Variants in RELCH observed in about 807,000 individuals in gnomAD.
RELCH encodes the protein RAB11-binding protein RELCH.
Under a neutral mutation model 150.3 loss-of-function variants are expected in RELCH, and 41 were observed. The observed-to-expected ratio is 0.27, with a 90% CI of 0.21 to 0.35. The LOEUF is 0.35. Ranked by LOEUF, RELCH falls within the 10% of genes least tolerant of loss-of-function variation. The probability of loss-of-function intolerance (pLI) is 1.00; values close to 1 mark genes in which losing one functional copy is unlikely to be tolerated. For missense variants in RELCH, 1,092 were observed against 1,467.8 expected (o/e 0.74, Z 4.18); for synonymous variants, 478 against 531.8 (o/e 0.90, Z 1.39).
At chr18:62,201,000 G>A (rs1208366284) in intron 1 of RELCH, among the ~76,000 whole-genome samples, 1 of 101,626 alleles carries the variant, frequency 9.8e-6, no homozygotes, top group Non-Finnish European at 1.8e-5. Context: ...TTGAGACTGA[G>A]ACTAGCTCTG....
chr18:62,261,496 C>A lies in RELCH; in HGVS notation c.2203-15C>A, dbSNP rs200355694. The A allele has an allele frequency of 3.7e-5, 59 of 1,608,256 alleles. No homozygotes were observed. The African/African-American group carries it at 7.8e-4, about 21-fold the overall frequency. On this transcript the variant is annotated splice_polypyrimidine_tract_variant and intron_variant, in intron 15 of 28. Coordinates refer to ENST00000644646, the MANE Select transcript of RELCH (RefSeq NM_001346231.2). The stretch of plus-strand genomic sequence containing the variant: ...TCAAAAGACTAAAATTAGCTTCCAC[C>A]TCCTTATGTTTCAGGAAGGAGAACA...
chr18:62,273,901 C>A, intron 20 of RELCH, 79 bp from the exon 21 acceptor site: 1 of 862,526 alleles, frequency 1.2e-6, no homozygotes, highest in South Asian at 1.5e-5. Flanking sequence ...GTAACATTTT[C>A]TAATTATAGA....
Position 62,305,421 on chromosome 18 carries a change from T to C in RELCH, c.3538T>C (p.Ser1180Pro). Residue 1180 changes from serine (S) to proline (P), a missense_variant, in exon 29 of 29, where the codon TCA (serine) becomes CCA (proline). Coordinates refer to ENST00000644646, the MANE Select transcript of RELCH (RefSeq NM_001346231.2). The surrounding 1 kb of genome is among the most constrained non-coding windows in gnomAD (Gnocchi z 4.0). ...TTAAATTTTCTTTCCTAGCTCAATG[T>C]CAATTGCTGCAAGCTTAGTGAGTGA... Reference protein sequence around the residue: ...KTVQEPQGSMSIAASLVSEDT... With the variant: ...KTVQEPQGSMPIAASLVSEDT... 1 of 1,595,944 alleles carries C rather than the reference T, an allele frequency of 6.3e-7. No homozygotes were observed. Among genetic ancestry groups the C allele is most frequent in the Non-Finnish European group, 8.5e-7 (1 of 1,173,424 alleles).
Position 62,266,758 on chromosome 18 carries a change from G to A in RELCH, c.2680+9G>A. ...ATCTGAAGAAAACATTGGTGAGTTT[G>A]TTCATTATTACTTTTAAAAACAATT... On this transcript the variant is annotated intron_variant, in intron 19 of 28. Coordinates refer to ENST00000644646, the MANE Select transcript of RELCH (RefSeq NM_001346231.2). The A allele has an allele frequency of 6.5e-7, 1 of 1,544,318 alleles. No individual in the cohort carries two copies. Among genetic ancestry groups the A allele is most frequent in the Non-Finnish European group, 8.9e-7 (1 of 1,121,510 alleles).
At chr18:62,259,230 G>T (rs776592646) in intron 15 of RELCH, among the ~76,000 whole-genome samples, 1 of 151,952 alleles carries the variant, frequency 6.6e-6, no homozygotes, top group Admixed American at 6.6e-5. Flanking sequence ...ATTATTATTT[G>T]TGTAGTGCAT....
intron 26 of RELCH, among the ~76,000 whole-genome samples, chr18:62,289,771 C>T (rs987212377): frequency 1.3e-5 from 2 of 152,140 alleles, no homozygotes; most frequent in African/African-American, 4.8e-5. Context: ...AACTAATTAC[C>T]TTTAACTTTC....
At chr18:62,299,842 A>G (rs542644699) in intron 28 of RELCH, among the ~76,000 whole-genome samples, 1 of 152,328 alleles carries the variant, frequency 6.6e-6, no homozygotes, top group South Asian at 2.1e-4. Flanking sequence ...TCTGATATGT[A>G]TCTTTTAAAG....
At chr18:62,208,676 T>C (rs1367292749) in intron 1 of RELCH, among the ~76,000 whole-genome samples, 2 of 152,214 alleles carry the variant, frequency 1.3e-5, no homozygotes, top group African/African-American at 2.4e-5. Context: ...TACCTTCAAG[T>C]TGGCCCCAGT....
intron 2 of RELCH, among the ~76,000 whole-genome samples, chr18:62,213,506 G>A (rs1429935760): frequency 2.6e-5 from 4 of 151,966 alleles, no homozygotes; most frequent in Admixed American, 1.3e-4. Flanking sequence ...GAGGCGGGTC[G>A]ATCACCTGAG....
At chr18:62,283,661 C>T (rs2044642548) in intron 25 of RELCH, among the ~76,000 whole-genome samples, 1 of 152,086 alleles carries the variant, frequency 6.6e-6, no homozygotes. Flanking sequence ...AGGTAAGTGT[C>T]TTTATAATTA....
chr18:62,192,179 C>T lies in RELCH; in HGVS notation c.526+4148C>T, dbSNP rs9955444. On this transcript the variant is annotated intron_variant, in intron 1 of 28. Transcript: ENST00000644646. ...GAGCCTTTTTTCATATGCTTGTTGCCGCATGAATGTCTTCTTTTGAGAAAT... is the reference window on the plus strand; with the variant it reads ...GAGCCTTTTTTCATATGCTTGTTGCTGCATGAATGTCTTCTTTTGAGAAAT... 3.6e-3 allele frequency among the ~76,000 whole-genome samples: 546 copies of T among 152,228 alleles called. 4 individuals are homozygous for T. Among genetic ancestry groups the T allele is most frequent in the African/African-American group, 0.013 (534 of 41,532 alleles).
chr18:62,217,276 T>C (rs1226220311), intron 2 of RELCH, among the ~76,000 whole-genome samples: 2 of 152,004 alleles, frequency 1.3e-5, no homozygotes, highest in Admixed American at 6.6e-5. Flanking sequence ...GTTAGATAAG[T>C]TTAGAAAATC....
At position 62,244,835 on chromosome 18, in the gene RELCH, C is replaced by T; in HGVS notation, c.1692C>T (p.His564=). Residue 564 remains histidine, a synonymous_variant, in exon 11 of 29, where the codon CAC becomes CAT. Coordinates refer to ENST00000644646, the MANE Select transcript of RELCH (RefSeq NM_001346231.2). ...PEPKERDQLL[H]ILFNLIKRPD... ...CTAAAGAGCGAGATCAGCTTCTCCACATACTTTTCAATTTGATCAAGAGGC... is the reference window on the plus strand; with the variant it reads ...CTAAAGAGCGAGATCAGCTTCTCCATATACTTTTCAATTTGATCAAGAGGC... 2 of 1,613,402 alleles carry T rather than the reference C, an allele frequency of 1.2e-6. No homozygotes were observed. Among genetic ancestry groups the T allele is most frequent in the Admixed American group, 1.7e-5 (1 of 60,004 alleles).
intron 2 of RELCH, among the ~76,000 whole-genome samples, chr18:62,218,668 A>G (rs1012286312): frequency 2.6e-5 from 4 of 151,928 alleles, no homozygotes; most frequent in Admixed American, 6.6e-5. Context: ...TAAGATTATA[A>G]TATGCGATGT....
chr18:62,227,633 T>C lies in RELCH; in HGVS notation c.1098T>C (p.Ile366=). 1 of 1,571,788 alleles carries C rather than the reference T, an allele frequency of 6.4e-7. No individual in the cohort carries two copies. The highest frequency in any genetic ancestry group is 1.1e-5 in the South Asian group (1 of 88,986). ...SMLVQKLEDK[I]SLLNSEKWSL... The stretch of plus-strand genomic sequence containing the variant: ...TAGTACAGAAATTAGAAGATAAAAT[T>C]AGTTTGTTAAATAGTGAGAAATGGT... The change falls in exon 7 of 29, where the codon ATT becomes ATC. Residue 366 remains isoleucine, a synonymous_variant. Coordinates refer to ENST00000644646, the MANE Select transcript of RELCH (RefSeq NM_001346231.2).
At chr18:62,218,540 T>C (rs1298689169) in intron 2 of RELCH, among the ~76,000 whole-genome samples, 1 of 151,968 alleles carries the variant, frequency 6.6e-6, no homozygotes, top group Non-Finnish European at 1.5e-5. Flanking sequence ...GAAAGCATAA[T>C]CTTTAAGCAC....
At chr18:62,202,132 G>C (rs1197631409) in intron 1 of RELCH, among the ~76,000 whole-genome samples, 1 of 152,148 alleles carries the variant, frequency 6.6e-6, no homozygotes, top group Non-Finnish European at 1.5e-5. Context: ...GAATTGTTAA[G>C]AAGTTACACA....
At chr18:62,280,936 C>T (rs1025587845) in intron 24 of RELCH, among the ~76,000 whole-genome samples, 2 of 152,066 alleles carry the variant, frequency 1.3e-5, no homozygotes, top group Admixed American at 1.3e-4. Flanking sequence ...TAAGTATAGG[C>T]CAAGCTTTCA....
chr18:62,272,588 T>A lies in RELCH; in HGVS notation c.2761-1392T>A, dbSNP rs553965686. Among the ~76,000 whole-genome samples, 12 of 152,220 alleles carry A rather than the reference T, an allele frequency of 7.9e-5. 1 individual carries two copies. The East Asian group carries it at 2.3e-3, about 29-fold the overall frequency. ...AATCACAGATTGCCAGTGTTTCTTA[T>A]TTTAGGAAGCACATACCAGCAGTTA... On this transcript the variant is annotated intron_variant, in intron 20 of 28. Transcript: ENST00000644646.
Sources: allele counts gnomAD v4.1 joint callset (sites outside exome capture counted in the v4.1 genomes callset), GRCh38; gene constraint gnomAD v4.1.1; non-coding constraint Gnocchi (gnomAD v3.1); transcripts MANE v1.5; gene names NCBI Gene and HGNC (gene_info 2026-07-23, HGNC 2026-07-21).